Variants in ALOX5AP observed in about 807,000 individuals in gnomAD.
ALOX5AP encodes the protein arachidonate 5-lipoxygenase activating protein, also known as arachidonate 5-lipoxygenase-activating protein.
Under a neutral mutation model 18.5 loss-of-function variants are expected in ALOX5AP, and 9 were observed. That is an observed-to-expected ratio of 0.49 (90% CI 0.29 to 0.85). ALOX5AP has a LOEUF of 0.85. Among genes scored for constraint, ALOX5AP ranks in the 40% least tolerant of loss-of-function variants. The pLI is 0.08. For synonymous variants in ALOX5AP, 81 were observed against 78.6 expected (o/e 1.03, Z -0.16); for missense variants, 172 against 202.5 (o/e 0.85, Z 0.91).
chr13:30,726,878 T>C (rs927271911), intron 1 of ALOX5AP, among the ~76,000 whole-genome samples: 1 of 151,966 alleles, frequency 6.6e-6, no homozygotes, highest in Non-Finnish European at 1.5e-5. Flanking sequence ...CTATACAACA[T>C]AATATGTGTT....
intron 4 of ALOX5AP, among the ~76,000 whole-genome samples, chr13:30,756,745 A>G (rs1009667797): frequency 6.9e-6 from 1 of 144,428 alleles, no homozygotes; most frequent in Non-Finnish European, 1.5e-5. Flanking sequence ...CCCAGGAGGC[A>G]GAGGTTGCAG....
intron 1 of ALOX5AP, among the ~76,000 whole-genome samples, chr13:30,727,783 G>A (rs891163936): frequency 2.6e-5 from 4 of 152,184 alleles, no homozygotes; most frequent in African/African-American, 9.6e-5. Flanking sequence ...GTGAGTGATA[G>A]TTACGGGTTC....
At chr13:30,743,578 C>T (rs769518291) in intron 1 of ALOX5AP, among the ~76,000 whole-genome samples, 4 of 152,000 alleles carry the variant, frequency 2.6e-5, no homozygotes, top group African/African-American at 9.7e-5. Flanking sequence ...TACCCTGAAC[C>T]TTTGCATATT....
At chr13:30,729,603 G>T (rs1266481515) in intron 1 of ALOX5AP, among the ~76,000 whole-genome samples, 2 of 149,076 alleles carry the variant, frequency 1.3e-5, no homozygotes, top group African/African-American at 2.5e-5. Context: ...TTTAGATGGG[G>T]TCTCGCTCTG....
At chr13:30,729,215 A>G (rs1303987733) in intron 1 of ALOX5AP, among the ~76,000 whole-genome samples, 1 of 151,928 alleles carries the variant, frequency 6.6e-6, no homozygotes, top group African/African-American at 2.4e-5. Flanking sequence ...TGCCTTCTTC[A>G]TGGTCACAAA....
chr13:30,758,765 T>C (rs1951917133), intron 4 of ALOX5AP, among the ~76,000 whole-genome samples: 1 of 152,132 alleles, frequency 6.6e-6, no homozygotes. Flanking sequence ...TCTCTTCTTT[T>C]CTTTTTTCTC....
chr13:30,760,158 C>T (rs955343653), intron 4 of ALOX5AP, among the ~76,000 whole-genome samples: 1 of 152,036 alleles, frequency 6.6e-6, no homozygotes, highest in Non-Finnish European at 1.5e-5. Context: ...AATGACACTT[C>T]CCTAAATTCT....
chr13:30,723,550 T>TA (rs1296051991), intron 1 of ALOX5AP, among the ~76,000 whole-genome samples: 1 of 152,230 alleles, frequency 6.6e-6, no homozygotes, highest in African/African-American at 2.4e-5. Flanking sequence ...CGTGTCTGTG[T>TA]AAAAAGAATG....
chr13:30,750,396 A>G (rs1201811628), intron 2 of ALOX5AP, among the ~76,000 whole-genome samples: 2 of 152,164 alleles, frequency 1.3e-5, no homozygotes, highest in Non-Finnish European at 2.9e-5. Context: ...TCTCAAGTCT[A>G]GTTACACTGT....
chr13:30,736,026 A>AT (rs1191365697), intron 1 of ALOX5AP, among the ~76,000 whole-genome samples: 2 of 152,344 alleles, frequency 1.3e-5, no homozygotes, highest in East Asian at 3.9e-4. Flanking sequence ...AAGACTAGAA[A>AT]GGGAACATGA....
chr13:30,737,635 C>T (rs1051602051), intron 1 of ALOX5AP, among the ~76,000 whole-genome samples: 7 of 152,126 alleles, frequency 4.6e-5, no homozygotes, highest in East Asian at 1.9e-4. Context: ...CTAGAATGGA[C>T]CAGCTGGGAG....
At chr13:30,738,984 CTT>C (rs1951741634) in intron 1 of ALOX5AP, among the ~76,000 whole-genome samples, 1 of 152,172 alleles carries the variant, frequency 6.6e-6, no homozygotes, top group Non-Finnish European at 1.5e-5. Context: ...TATTGGAAGA[CTT>C]TGCCATCCAA....
chr13:30,729,114 A>C (rs995104486), intron 1 of ALOX5AP, among the ~76,000 whole-genome samples: 3 of 152,176 alleles, frequency 2.0e-5, no homozygotes, highest in Non-Finnish European at 4.4e-5. Context: ...TGTTATTTGA[A>C]GAGCGGAAGT....
chr13:30,757,468 C>G (rs1279724640), intron 4 of ALOX5AP, among the ~76,000 whole-genome samples: 1 of 152,200 alleles, frequency 6.6e-6, no homozygotes, highest in Non-Finnish European at 1.5e-5. Context: ...CTTATCAACA[C>G]TGCCCTAAAT....
chr13:30,744,672 G>A (rs1951795016), intron 2 of ALOX5AP, among the ~76,000 whole-genome samples: 1 of 152,220 alleles, frequency 6.6e-6, no homozygotes, highest in Admixed American at 6.5e-5. Context: ...GGGGACATTA[G>A]CAGGTGCTTT....
chr13:30,744,996 C>G (rs17245120), intron 2 of ALOX5AP, among the ~76,000 whole-genome samples: 3 of 152,130 alleles, frequency 2.0e-5, no homozygotes, highest in Admixed American at 6.5e-5. Flanking sequence ...GTCATGGTCA[C>G]CCAAGAAAAA....
At chr13:30,730,672 G>T (rs1056785840), upstream of ALOX5AP, among the ~76,000 whole-genome samples, 2 of 152,120 alleles carry the variant, frequency 1.3e-5, no homozygotes, top group Non-Finnish European at 2.9e-5. Context: ...CTGAAGTGAG[G>T]ATGAAGGCTA....
chr13:30,757,663 C>T (rs117323050), intron 4 of ALOX5AP, among the ~76,000 whole-genome samples: 38 of 152,216 alleles, frequency 2.5e-4, no homozygotes, highest in Non-Finnish European at 4.4e-4. Context: ...AGTCACTGCT[C>T]CTCTCTTCAT....
At chr13:30,744,341 G>A in intron 2 of ALOX5AP, 182 bp downstream of exon 2, 1 of 557,982 alleles carries the variant, frequency 1.8e-6, no homozygotes, top group Non-Finnish European at 3.2e-6. Flanking sequence ...ATCTTAGTGA[G>A]TGCTAGTGTC....
Sources: allele counts gnomAD v4.1 joint callset (sites outside exome capture counted in the v4.1 genomes callset), GRCh38; gene constraint gnomAD v4.1.1; transcripts MANE v1.5; gene names NCBI Gene and HGNC (gene_info 2026-07-23, HGNC 2026-07-21).